DSCAM: variants seen among roughly 807,000 people sequenced by gnomAD.
DSCAM encodes DS cell adhesion molecule, also known as cell adhesion molecule DSCAM.
In DSCAM, 47 loss-of-function variants were observed where a neutral mutation model predicts 217.7. That is an observed-to-expected ratio of 0.22 (90% confidence interval 0.17 to 0.28). DSCAM has a LOEUF of 0.28. Among genes scored for constraint, DSCAM ranks in the 10% least tolerant of loss-of-function variants. DSCAM has a pLI of 1.00. For missense variants in DSCAM, 2,080 were observed against 2,618.3 expected, an observed-to-expected ratio of 0.79 and a Z score of 4.49; for synonymous variants, 1,056 against 1,015.3, an observed-to-expected ratio of 1.04 and a Z score of -0.76.
intron 3 of DSCAM, among the ~76,000 whole-genome samples, chr21:40,691,718 T>C (rs2090539601): frequency 6.6e-6 from 1 of 152,254 alleles, no homozygotes; most frequent in African/African-American, 2.4e-5. Context: ...GTGAGGGGTT[T>C]TGAATTCACT....
At chr21:40,435,409 T>A (rs1293602991) in intron 3 of DSCAM, among the ~76,000 whole-genome samples, 2 of 152,190 alleles carry the variant, frequency 1.3e-5, no homozygotes, top group Non-Finnish European at 2.9e-5. Flanking sequence ...CCATTCTGAG[T>A]GAATTTTTGT....
At chr21:40,146,410 C>T (rs1233603493) in intron 16 of DSCAM, among the ~76,000 whole-genome samples, 9 of 151,950 alleles carry the variant, frequency 5.9e-5, no homozygotes, top group South Asian at 4.2e-4. Flanking sequence ...CAAATGTGAC[C>T]GGGGGAGGGC....
rs867043227 is a variant in DSCAM at position 40,272,241 on chromosome 21, C to G, written c.2356+3856G>C. Among the ~76,000 whole-genome samples, 4 of 152,256 alleles carry G rather than the reference C, an allele frequency of 2.6e-5. 1 individual carries two copies. The highest frequency in any genetic ancestry group is 6.8e-3 in the Middle Eastern group (2 of 294). On this transcript the variant is annotated intron_variant, in intron 11 of 32. Transcript: ENST00000400454. Reference sequence around the variant, plus strand: ...TTTGATTGCAAGCAGAGCCTACTCCCTCTGCCTTTTCTGCCAAGCCTCCTA... The same window carrying G: ...TTTGATTGCAAGCAGAGCCTACTCCGTCTGCCTTTTCTGCCAAGCCTCCTA...
chr21:40,433,488 G>A (rs2075555481), intron 3 of DSCAM, among the ~76,000 whole-genome samples: 1 of 152,152 alleles, frequency 6.6e-6, no homozygotes, highest in African/African-American at 2.4e-5. Flanking sequence ...GCACGGGACT[G>A]CATTTTTCTT....
At chr21:40,772,717 T>A (rs1297852375) in intron 1 of DSCAM, among the ~76,000 whole-genome samples, 2 of 152,190 alleles carry the variant, frequency 1.3e-5, no homozygotes, top group African/African-American at 4.8e-5. Context: ...ACTGCCGGAA[T>A]GGTGGGCATC....
chr21:40,749,942 T>C, intron 1 of DSCAM, among the ~76,000 whole-genome samples: 1 of 152,040 alleles, frequency 6.6e-6, no homozygotes, highest in East Asian at 1.9e-4. Flanking sequence ...TTCTTCTTTT[T>C]TTTTTTCCTT....
At chr21:40,295,088 A>T (rs529478230) in intron 10 of DSCAM, among the ~76,000 whole-genome samples, 93 of 152,314 alleles carry the variant, frequency 6.1e-4, no homozygotes, top group African/African-American at 2.0e-3. Context: ...TGCTATTTTA[A>T]AAAAGAAAGA....
intron 2 of DSCAM, among the ~76,000 whole-genome samples, chr21:40,694,999 G>A (rs1205521884): frequency 9.9e-5 from 15 of 152,170 alleles, no homozygotes; most frequent in African/African-American, 2.9e-4. Flanking sequence ...AGAGTCTACC[G>A]TCACAGGAAT....
chr21:40,342,648 A>ATATATATATATATATATATATATATT (rs61637421), intron 6 of DSCAM, among the ~76,000 whole-genome samples: 1 of 80,316 alleles, frequency 1.2e-5, no homozygotes, highest in African/African-American at 5.2e-5. Context: ...ATATATATAT[A>ATATATATATATATATATATATATATT]TTTTTTTTTT....
chr21:40,771,946 G>A (rs542977704), intron 1 of DSCAM, among the ~76,000 whole-genome samples: 7 of 152,150 alleles, frequency 4.6e-5, no homozygotes, highest in African/African-American at 7.2e-5. Context: ...TAATCTTTAT[G>A]CGAATTTTAT....
chr21:40,653,607 A>G (rs1274840592), intron 3 of DSCAM, among the ~76,000 whole-genome samples: 1 of 152,206 alleles, frequency 6.6e-6, no homozygotes, highest in Non-Finnish European at 1.5e-5. Context: ...GAGATCCTTT[A>G]GCCCCAGGTT....
intron 1 of DSCAM, among the ~76,000 whole-genome samples, chr21:40,768,077 C>T (rs895214595): frequency 2.6e-5 from 4 of 152,216 alleles, no homozygotes; most frequent in Admixed American, 6.5e-5. Flanking sequence ...CTAATATAGG[C>T]AAACACTGTT....
chr21:40,810,603 T>C (rs1334021811), intron 1 of DSCAM, among the ~76,000 whole-genome samples: 1 of 152,170 alleles, frequency 6.6e-6, no homozygotes, highest in Non-Finnish European at 1.5e-5. Context: ...GCTGAGGTAA[T>C]AATGAAAATT....
At chr21:40,077,176 C>T (rs1462329280) in intron 26 of DSCAM, among the ~76,000 whole-genome samples, 1 of 152,088 alleles carries the variant, frequency 6.6e-6, no homozygotes, top group Non-Finnish European at 1.5e-5. Flanking sequence ...AGGACAGAGC[C>T]CGTGCAGAGG....
intron 11 of DSCAM, among the ~76,000 whole-genome samples, chr21:40,265,454 T>C (rs1028644115): frequency 4.6e-5 from 7 of 150,720 alleles, no homozygotes; most frequent in African/African-American, 1.7e-4. Flanking sequence ...GCAATTCCTA[T>C]CAAAATACCA....
Position 40,082,836 on chromosome 21 carries a change from G to A in DSCAM, c.4231+1072C>T, listed in dbSNP as rs544453056. Among the ~76,000 whole-genome samples the A allele has an allele frequency of 5.3e-5, 8 of 152,256 alleles. No homozygotes were observed. In the South Asian group the frequency reaches 1.7e-3, roughly 32 times the overall value. The stretch of plus-strand genomic sequence containing the variant: ...CATGGTGAGGGAATGTTCTTAGGGT[G>A]GCTGTGGCCACTGAGCATGAAGCTG... On this transcript the variant is annotated intron_variant, in intron 24 of 32. Transcript: ENST00000400454.
At chr21:40,530,308 A>C (rs2076433191) in intron 3 of DSCAM, among the ~76,000 whole-genome samples, 1 of 152,192 alleles carries the variant, frequency 6.6e-6, no homozygotes, top group African/African-American at 2.4e-5. Context: ...CTCTTTTCTC[A>C]ATTTGACTTT....
Position 40,083,158 on chromosome 21 carries a change from G to A in DSCAM, c.4231+750C>T, listed in dbSNP as rs1016661641. Among the ~76,000 whole-genome samples the A allele has an allele frequency of 1.3e-5, 2 of 152,226 alleles. 1 individual carries two copies. The highest frequency in any genetic ancestry group is 4.1e-4 in the South Asian group (2 of 4,832). Reference sequence around the variant, plus strand: ...ATAAACCTCATTTAGGCCGGGCGTGGTGGCTCACGCCTGTAATCCCAGTAC... The same window carrying A: ...ATAAACCTCATTTAGGCCGGGCGTGATGGCTCACGCCTGTAATCCCAGTAC... On this transcript the variant is annotated intron_variant, in intron 24 of 32. Coordinates refer to ENST00000400454, the MANE Select transcript of DSCAM (RefSeq NM_001389.5).
intron 1 of DSCAM, among the ~76,000 whole-genome samples, chr21:40,721,801 C>G (rs902358827): frequency 6.6e-6 from 1 of 151,822 alleles, no homozygotes; most frequent in African/African-American, 2.4e-5. Context: ...ACACTAGAAC[C>G]TCAACTATCC....
Sources: allele counts gnomAD v4.1 joint callset (sites outside exome capture counted in the v4.1 genomes callset), GRCh38; gene constraint gnomAD v4.1.1; transcripts MANE v1.5; gene names NCBI Gene and HGNC (gene_info 2026-07-23, HGNC 2026-07-21).